The following C3 variants were observed in gnomAD, a reference collection of about 807,000 sequenced individuals.
The protein encoded by C3 is complement C3, also known as C3 and PZP-like alpha-2-macroglobulin domain-containing protein 1.
C3 carries 97 observed loss-of-function variants against 207.9 expected under a neutral mutation model. The ratio of observed to expected loss-of-function variants is 0.47; its 90% CI spans 0.40 to 0.55. The LOEUF (loss-of-function observed/expected upper bound fraction) is 0.55. C3 is among the 20% of genes least tolerant of loss of function. C3 has a pLI of 0.00. For synonymous variants in C3, 848 were observed against 857.6 expected, an observed-to-expected ratio of 0.99 and a Z score of 0.20; for missense variants, 1,684 against 2,171.7, an observed-to-expected ratio of 0.78 and a Z score of 4.46.
intron 11 of C3, 111 bp from the exon 12 acceptor site, chr19:6,711,307 G>A: frequency 1.2e-6 from 1 of 806,576 alleles, no homozygotes; most frequent in Non-Finnish European, 2.1e-6. Context: ...CTTTGCAGAT[G>A]GGATTAAGTT....
chr19:6,693,453 G>C lies in C3; in HGVS notation c.3189C>G (p.Ser1063Arg), dbSNP rs758070480. 16 of 1,612,790 alleles carry C rather than the reference G, an allele frequency of 9.9e-6. No individual in the cohort carries two copies. Among genetic ancestry groups the C allele is most frequent in the Non-Finnish European group, 1.3e-5 (15 of 1,179,634 alleles). ...YTQQLAFRQPSSAFAAFVKRA... is the reference protein window; with the variant it reads ...YTQQLAFRQPRSAFAAFVKRA... The stretch of plus-strand genomic sequence containing the variant: ...GTTTCACGAAGGCCGCAAAGGCAGA[G>C]CTGGGTTGTCTGAAGGCCAGCTGCT... The change falls in exon 25 of 41, where the codon AGC (serine) becomes AGG (arginine). Residue 1063 changes from serine to arginine, a missense_variant. Ser to Arg is a moderately radical substitution (Grantham distance 110, BLOSUM62 -1). This residue lies in a region of C3 where 1,280 missense variants were observed against 1,739.1 expected (regional missense o/e 0.74). Transcript: ENST00000245907.
At chr19:6,691,077 C>T (rs900852508) in intron 26 of C3, among the ~76,000 whole-genome samples, 2 of 104,822 alleles carry the variant, frequency 1.9e-5, no homozygotes, top group Admixed American at 2.0e-4. Flanking sequence ...TTTTTTGGGA[C>T]AGTTTTGCTC....
intron 19 of C3, among the ~76,000 whole-genome samples, chr19:6,699,302 G>A (rs188185145): frequency 4.3e-5 from 6 of 140,350 alleles, no homozygotes; most frequent in East Asian, 2.1e-4. Context: ...CTCAAACTCC[G>A]ACCTCAAATG....
rs1323562274 is a variant in C3 at position 6,691,992 on chromosome 19, A to C, written c.3390+932T>G. Among the ~76,000 whole-genome samples, 3 of 33,956 alleles carry C rather than the reference A, an allele frequency of 8.8e-5. No individual in the cohort carries two copies. The East Asian group carries it at 3.4e-3, about 38-fold the overall frequency. 22.3% of individuals were successfully genotyped at this position (33,956 alleles called of 152,430 possible). A position where few individuals can be genotyped will look rare whatever the true frequency, so the allele number is the denominator to read the frequency against. On this transcript the variant is annotated intron_variant, in intron 26 of 40. Transcript: ENST00000245907. ...ACAAGAGCAAAACTCCATCTCAAAC[A>C]CACACACACACACACACACACACAC...
intron 26 of C3, 102 bp from the exon 27 acceptor site, chr19:6,690,829 G>A: frequency 2.3e-6 from 2 of 880,032 alleles, no homozygotes; most frequent in Non-Finnish European, 3.8e-6. Context: ...GGGCAGGGCT[G>A]AGTCTCTTCT....
chr19:6,709,606 T>A lies in C3; in HGVS notation c.1845+78A>T, dbSNP rs1967860252. On this transcript the variant is annotated intron_variant, in intron 14 of 40. Coordinates refer to ENST00000245907, the MANE Select transcript of C3 (RefSeq NM_000064.4). Reference sequence around the variant, plus strand: ...GCATGCCCCCCACTGCACTGCCCTCTCCAGTCCCACCCACCTCCCCCAGCC... The same window carrying A: ...GCATGCCCCCCACTGCACTGCCCTCACCAGTCCCACCCACCTCCCCCAGCC... The A allele has an allele frequency of 2.9e-6, 4 of 1,384,430 alleles. No homozygotes were observed. In the Admixed American group the frequency reaches 6.7e-5, roughly 23 times the overall value. The allele number at this position is 1,384,430 out of a possible 1,614,324, so 85.8% of individuals were successfully genotyped here.
chr19:6,714,580 A>G, intron 4 of C3, 134 bp from the exon 5 acceptor site: 2 of 723,824 alleles, frequency 2.8e-6, no homozygotes, highest in Non-Finnish European at 5.0e-6. Context: ...ACAGGGACCC[A>G]GGTGGGCGCA....
chr19:6,718,081 C>A lies in C3; in HGVS notation c.504+13G>T. 6.2e-7 allele frequency: 1 copy of A among 1,614,052 alleles called. No individual in the cohort carries two copies. The highest frequency in any genetic ancestry group is 8.5e-7 in the Non-Finnish European group (1 of 1,179,934). ...GTGCCCCTGCTTCCCCTGGGGCCCC[C>A]TCTGGCTGGCACCTCAATGTTGACC... On this transcript the variant is annotated intron_variant, in intron 4 of 40. Coordinates refer to ENST00000245907, the MANE Select transcript of C3 (RefSeq NM_000064.4).
rs1222340012 is a variant in C3, at chr19:6,700,518, TATATGTA to T, written c.2440+1602_2440+1608del. Among the ~76,000 whole-genome samples the T allele has an allele frequency of 3.0e-3, 102 of 34,072 alleles. 36 individuals carry two copies. Among genetic ancestry groups the T allele is most frequent in the East Asian group, 3.4e-3 (2 of 580 alleles). The allele number at this position is 34,072 out of a possible 152,430, so 22.4% of individuals were successfully genotyped here. On this transcript the variant is annotated intron_variant, in intron 19 of 40. Coordinates refer to ENST00000245907, the MANE Select transcript of C3 (RefSeq NM_000064.4). ...GATATATTATATATGTAATATATAA[TATATGTA>T]ATATGATATATTATATATGTAATAT...
In C3 at chr19:6,702,194, C is replaced by T. The variant is rs771980153; in HGVS notation, c.2373G>A (p.Met791Ile). 5.6e-6 allele frequency: 9 copies of T among 1,600,924 alleles called. No homozygotes were observed. In the Admixed American group the frequency reaches 1.3e-4, roughly 24 times the overall value. The stretch of plus-strand genomic sequence containing the variant: ...TGATGGAGTCTTTCAAAAATATATT[C>T]ATGAGCTTCGTAGAGATTCTGGATG... Reference protein sequence around the residue: ...PPKNGISTKLMNIFLKDSITT... With the variant: ...PPKNGISTKLINIFLKDSITT... Residue 791 changes from methionine to isoleucine, a missense_variant, in exon 19 of 41, where the codon ATG becomes ATA. By Grantham distance (10) the Met-to-Ile change is conservative. Coordinates refer to ENST00000245907, the MANE Select transcript of C3 (RefSeq NM_000064.4).
intron 26 of C3, among the ~76,000 whole-genome samples, chr19:6,691,470 A>C (rs1918166895): frequency 6.6e-6 from 1 of 152,158 alleles, no homozygotes; most frequent in African/African-American, 2.4e-5. Flanking sequence ...TCCCTGAGGG[A>C]GTCAACTCTC....
rs2145411542 is a variant in C3 at position 6,697,359 on chromosome 19, C to T, written c.2781G>A (p.Lys927=). 6.2e-7 allele frequency: 1 copy of T among 1,614,106 alleles called. No individual in the cohort carries two copies. The highest frequency in any genetic ancestry group is 2.2e-5 in the East Asian group (1 of 44,876). The part of the protein sequence containing the change: ...YHHFISDGVR[K]SLKVVPEGIR... Reference sequence around the variant, plus strand: ...AAGCACTCACCACGACCTTCAGGGACTTCCTGACACCGTCACTGATGAAAT... The same window carrying T: ...AAGCACTCACCACGACCTTCAGGGATTTCCTGACACCGTCACTGATGAAAT... The change falls in exon 21 of 41, where the codon AAG becomes AAA. Residue 927 remains lysine, a synonymous_variant. Coordinates refer to ENST00000245907, the MANE Select transcript of C3 (RefSeq NM_000064.4).
rs1282953316 is a variant in C3, at chr19:6,700,615, A to G, written c.2440+1512T>C. Among the ~76,000 whole-genome samples the G allele has an allele frequency of 1.7e-4, 8 of 48,072 alleles. 2 individuals are homozygous for G. The highest frequency in any genetic ancestry group is 7.1e-4 in the South Asian group (1 of 1,400). 31.5% of individuals were successfully genotyped at this position (48,072 alleles called of 152,430 possible). On this transcript the variant is annotated intron_variant, in intron 19 of 40. Coordinates refer to ENST00000245907, the MANE Select transcript of C3 (RefSeq NM_000064.4). The stretch of plus-strand genomic sequence containing the variant: ...ATAATATATGATATATTATATATGT[A>G]ATATATAATATATGATATATTATAT...
In C3 at chr19:6,684,713, G is replaced by A. The variant is rs939831970; in HGVS notation, c.4029+62C>T. ...AGGACTAGGACTGCTGGGGACAAGA[G>A]GAGATGGTCCCTCTGGGGCAGAGGG... On this transcript the variant is annotated intron_variant, in intron 31 of 40. Transcript: ENST00000245907. 5.6e-6 allele frequency: 9 copies of A among 1,601,012 alleles called. No homozygotes were observed. In the Middle Eastern group the frequency reaches 6.6e-4, roughly 117 times the overall value.
chr19:6,696,594 A>G lies in C3; in HGVS notation c.2862T>C (p.Arg954=). The G allele has an allele frequency of 6.2e-7, 1 of 1,613,418 alleles. No individual in the cohort carries two copies. Among genetic ancestry groups the G allele is most frequent in the Non-Finnish European group, 8.5e-7 (1 of 1,179,752 alleles). ...CCCCTCCCCCTGCAGCCGACTCACC[A>G]CGGCCCAGGCGTTCTGGATCCAGGG... ...VRTLDPERLG[R]EGVQKEDIPP... Residue 954 remains arginine, a splice_region_variant and synonymous_variant, in exon 22 of 41, where the codon CGT becomes CGC. Coordinates refer to ENST00000245907, the MANE Select transcript of C3 (RefSeq NM_000064.4).
At chr19:6,708,069 CCTTTCT>C (rs970910748) in intron 14 of C3, 140 bp from the exon 15 acceptor site, 2 of 911,048 alleles carry the variant, frequency 2.2e-6, no homozygotes, top group Non-Finnish European at 3.4e-6. Flanking sequence ...TTCTGCCCTT[CCTTTCT>C]CTTTCTCTTT....
chr19:6,709,008 A>G (rs1218384275), intron 14 of C3, among the ~76,000 whole-genome samples: 2 of 150,930 alleles, frequency 1.3e-5, no homozygotes, highest in East Asian at 3.9e-4. Flanking sequence ...TCTTATCTCC[A>G]TTTCCCCTCT....
At chr19:6,693,976 C>T (rs1056364740) in intron 24 of C3, among the ~76,000 whole-genome samples, 1 of 135,874 alleles carries the variant, frequency 7.4e-6, no homozygotes, top group African/African-American at 3.1e-5. Context: ...GGTGGGAGGC[C>T]CTCAGGGGAT....
chr19:6,681,340 TAAA>T (rs71177112), intron 35 of C3, among the ~76,000 whole-genome samples: 11 of 95,098 alleles, frequency 1.2e-4, no homozygotes, highest in Admixed American at 1.3e-4. Flanking sequence ...AGGCTGCAGT[TAAA>T]AAAAAAAAAA....
Sources: gnomAD v4.1 joint callset for allele counts (sites outside exome capture counted in the v4.1 genomes callset) on GRCh38, gnomAD v4.1.1 for gene constraint, gnomAD v4.1.1 regional missense constraint, MANE v1.5 for transcripts, NCBI Gene and HGNC (gene_info 2026-07-23, HGNC 2026-07-21) for gene names.